Variants in DSCAML1 observed in about 807,000 individuals in gnomAD.
DSCAML1 encodes DS cell adhesion molecule like 1, also known as cell adhesion molecule DSCAML1.
Under a neutral mutation model 200.5 loss-of-function variants are expected in DSCAML1, and 38 were observed. The ratio of observed to expected loss-of-function variants is 0.19; its 90% confidence interval spans 0.15 to 0.25. The LOEUF is 0.25. DSCAML1 is among the 10% of genes least tolerant of loss of function. DSCAML1 has a pLI of 1.00. For missense variants in DSCAML1, 2,223 were observed against 2,858.8 expected, an observed-to-expected ratio of 0.78 and a Z score of 5.07; for synonymous variants, 1,215 against 1,165.0, an observed-to-expected ratio of 1.04 and a Z score of -0.87.
intron 3 of DSCAML1, among the ~76,000 whole-genome samples, chr11:117,581,294 C>CT (rs2051034594): frequency 6.6e-6 from 1 of 152,126 alleles, no homozygotes; most frequent in Non-Finnish European, 1.5e-5. Flanking sequence ...TGTATTATGT[C>CT]TTTTTTATGG....
intron 3 of DSCAML1, among the ~76,000 whole-genome samples, chr11:117,538,328 G>A (rs2050204356): frequency 6.6e-6 from 1 of 152,228 alleles, no homozygotes; most frequent in African/African-American, 2.4e-5. Context: ...TCACAGGGCT[G>A]TTGGGAGGAT....
At chr11:117,614,333 A>T (rs2051765496) in intron 3 of DSCAML1, among the ~76,000 whole-genome samples, 1 of 152,126 alleles carries the variant, frequency 6.6e-6, no homozygotes, top group Non-Finnish European at 1.5e-5. Flanking sequence ...GTAGAGTGCT[A>T]TATACACCAC....
Position 117,636,711 on chromosome 11 carries a change from A to G in DSCAML1, c.512-104189T>C, listed in dbSNP as rs140371496. ...CTGGGCTTAAAACTCAGTTTCACCA[A>G]TTACTAACTGTGTAACCCTAGGCAA... On this transcript the variant is annotated intron_variant, in intron 3 of 32. Coordinates refer to ENST00000651296, the MANE Select transcript of DSCAML1 (RefSeq NM_020693.4). 1.7e-4 allele frequency among the ~76,000 whole-genome samples: 26 copies of G among 152,278 alleles called. No individual in the cohort carries two copies. The East Asian group carries it at 4.6e-3, about 27-fold the overall frequency.
In DSCAML1 at chr11:117,439,344, C is replaced by T. The variant is rs1407000587; in HGVS notation, c.4066G>A (p.Glu1356Lys). 1 of 1,614,104 alleles carries T rather than the reference C, an allele frequency of 6.2e-7. No individual in the cohort carries two copies. Among genetic ancestry groups the T allele is most frequent in the Admixed American group, 1.7e-5 (1 of 60,022 alleles). Residue 1356 changes from glutamate (E) to lysine (K), a missense_variant, in exon 23 of 33, where the codon GAG becomes AAG. By Grantham distance (56) the Glu-to-Lys change is moderately conservative. This residue lies in a region of DSCAML1 where 614 missense variants were observed against 739.1 expected (regional missense o/e 0.83). Coordinates refer to ENST00000651296, the MANE Select transcript of DSCAML1 (RefSeq NM_020693.4). ...GTLLLRAVKA[E>K]DSGYYTCTAT... is the part of the protein sequence containing the mutation. ...GTGCACGTGTAGTAGCCAGAGTCCT[C>T]AGCCTTCACTGCACGCAGCAGCAGT...
intron 8 of DSCAML1, among the ~76,000 whole-genome samples, chr11:117,515,029 G>A (rs913686213): frequency 3.3e-5 from 5 of 152,242 alleles, no homozygotes; most frequent in Admixed American, 6.5e-5. Context: ...TGCGCCTGCC[G>A]CAGTGACAGT....
chr11:117,794,612 T>C (rs1057495512), intron 1 of DSCAML1, among the ~76,000 whole-genome samples: 2 of 152,038 alleles, frequency 1.3e-5, no homozygotes, highest in Admixed American at 6.6e-5. Context: ...CAAGAGGATA[T>C]TGTTTTCTGT....
rs181485823 is a variant in DSCAML1, at chr11:117,793,736, G to A, written c.46+3298C>T. On this transcript the variant is annotated intron_variant, in intron 1 of 32. Transcript: ENST00000651296. ...ACTAAGCCTCTCTGTCCAGTCCCCC[G>A]GGATCTGTTCAACTTAAGCGCCGCC... is the stretch of plus-strand genomic sequence containing the variant. 1.7e-4 allele frequency among the ~76,000 whole-genome samples: 26 copies of A among 152,260 alleles called. 1 individual carries two copies. Among genetic ancestry groups the A allele is most frequent in the African/African-American group, 5.1e-4 (21 of 41,550 alleles).
chr11:117,714,968 C>T (rs2053924848), intron 3 of DSCAML1, among the ~76,000 whole-genome samples: 1 of 152,024 alleles, frequency 6.6e-6, no homozygotes, highest in Admixed American at 6.5e-5. Context: ...GGTGCCTACT[C>T]TGCCATCCAC....
chr11:117,740,857 C>A (rs2054409318), intron 3 of DSCAML1, among the ~76,000 whole-genome samples: 1 of 152,220 alleles, frequency 6.6e-6, no homozygotes, highest in African/African-American at 2.4e-5. Context: ...TGGGCTTGAC[C>A]AGAAGCAGGG....
chr11:117,705,126 T>C (rs585718), intron 3 of DSCAML1, among the ~76,000 whole-genome samples: 138,537 of 152,218 alleles, frequency 0.91, 63,536 homozygotes, highest in Non-Finnish European at 0.97. Context: ...TGCATTTGCC[T>C]TTGACTTGCA....
intron 3 of DSCAML1, among the ~76,000 whole-genome samples, chr11:117,629,349 A>G (rs1310906304): frequency 2.0e-5 from 3 of 152,074 alleles, no homozygotes; most frequent in Non-Finnish European, 4.4e-5. Context: ...GGGGACAGGA[A>G]AGCTCCAAGT....
chr11:117,774,666 C>A (rs2055099459), intron 3 of DSCAML1, among the ~76,000 whole-genome samples: 1 of 152,198 alleles, frequency 6.6e-6, no homozygotes, highest in Admixed American at 6.5e-5. Context: ...AAAGGCCTCA[C>A]TGCCTACAGT....
intron 3 of DSCAML1, among the ~76,000 whole-genome samples, chr11:117,678,613 A>G (rs2053259011): frequency 6.6e-6 from 1 of 152,232 alleles, no homozygotes; most frequent in Non-Finnish European, 1.5e-5. Context: ...GACATTCCTG[A>G]GAGTCCTGAA....
At chr11:117,446,598 TA>T in intron 20 of DSCAML1, among the ~76,000 whole-genome samples, 1 of 151,932 alleles carries the variant, frequency 6.6e-6, no homozygotes. Context: ...ACCTAACTAG[TA>T]ACCAAAGAAA....
At chr11:117,695,464 A>G (rs1257331046) in intron 3 of DSCAML1, among the ~76,000 whole-genome samples, 2 of 152,092 alleles carry the variant, frequency 1.3e-5, no homozygotes, top group African/African-American at 4.8e-5. Flanking sequence ...GGTTAGAATC[A>G]GAGCAGGTAA....
upstream of DSCAML1, among the ~76,000 whole-genome samples, chr11:117,799,206 G>A (rs143938630): frequency 3.8e-3 from 585 of 152,270 alleles, 1 homozygote; most frequent in African/African-American, 0.013. Context: ...TAAAGGGAAC[G>A]GTCATTGAGA....
chr11:117,629,531 T>C (rs2052127976), intron 3 of DSCAML1, among the ~76,000 whole-genome samples: 1 of 146,212 alleles, frequency 6.8e-6, no homozygotes, highest in African/African-American at 2.5e-5. Flanking sequence ...TGGGCAGGGG[T>C]GATGAGAAAT....
chr11:117,705,909 G>C (rs561130780), intron 3 of DSCAML1, among the ~76,000 whole-genome samples: 1 of 152,206 alleles, frequency 6.6e-6, no homozygotes, highest in African/African-American at 2.4e-5. Context: ...CTTGCAAGAA[G>C]TGCCTTGTCC....
intron 1 of DSCAML1, among the ~76,000 whole-genome samples, chr11:117,803,009 A>T (rs972851735): frequency 5.3e-5 from 8 of 151,466 alleles, no homozygotes; most frequent in Admixed American, 2.0e-4. Context: ...ACTACTGTCA[A>T]TCACAGCTGC....
Sources: allele counts gnomAD v4.1 joint callset (sites outside exome capture counted in the v4.1 genomes callset), GRCh38; gene constraint gnomAD v4.1.1; regional missense constraint gnomAD v4.1.1; transcripts MANE v1.5; gene names NCBI Gene and HGNC (gene_info 2026-07-23, HGNC 2026-07-21).